KAT2B: variants seen among roughly 807,000 people sequenced by gnomAD.
KAT2B encodes histone acetyltransferase KAT2B.
KAT2B carries 36 observed loss-of-function variants against 105.9 expected under a neutral mutation model. That is an observed-to-expected ratio of 0.34 (90% CI 0.26 to 0.45). The LOEUF (loss-of-function observed/expected upper bound fraction) is 0.45. Among genes scored for constraint, KAT2B ranks in the 20% least tolerant of loss-of-function variants. The pLI, the probability that KAT2B is intolerant of heterozygous loss-of-function variation, is 1.00. For synonymous variants in KAT2B, 397 were observed against 377.9 expected (o/e 1.05, Z -0.59); for missense variants, 820 against 1,021.6 (o/e 0.80, Z 2.69).
At chr3:20,101,173 A>G (rs1698903096) in intron 4 of KAT2B, 114 bp from the exon 5 acceptor site, 1 of 786,296 alleles carries the variant, frequency 1.3e-6, no homozygotes, top group East Asian at 2.7e-5. Context: ...ATTTTTGTGA[A>G]TAGAGAAATG....
rs1699814575 is a variant in KAT2B, at chr3:20,148,413, G to A, written c.2231G>A (p.Ser744Asn). The change falls in exon 17 of 18, where the codon AGC (serine) becomes AAC (asparagine). Residue 744 changes from serine to asparagine, a missense_variant. This residue lies in a region of KAT2B where 227 missense variants were observed against 292.9 expected (regional missense o/e 0.77). Transcript: ENST00000263754. ...SILQQVKSHQ[S>N]AWPFMEPVKR... Reference sequence around the variant, plus strand: ...TTTTCTTTACCCAAGAGCCATCAAAGCGCTTGGCCCTTCATGGAACCTGTG... The same window carrying A: ...TTTTCTTTACCCAAGAGCCATCAAAACGCTTGGCCCTTCATGGAACCTGTG... The A allele has an allele frequency of 6.2e-7, 1 of 1,610,800 alleles. No homozygotes were observed. Among genetic ancestry groups the A allele is most frequent in the African/African-American group, 1.3e-5 (1 of 74,512 alleles).
intron 12 of KAT2B, among the ~76,000 whole-genome samples, chr3:20,138,547 G>A (rs1293760504): frequency 2.0e-5 from 3 of 152,200 alleles, no homozygotes; most frequent in Admixed American, 2.0e-4. Flanking sequence ...TTTGTCAGCA[G>A]TGTATAAGGG....
chr3:20,084,600 CA>C lies in KAT2B; in HGVS notation c.431-10654del, dbSNP rs372719303. 2.6e-3 allele frequency among the ~76,000 whole-genome samples: 394 copies of C among 150,144 alleles called. 3 individuals are homozygous for C. The highest frequency in any genetic ancestry group is 0.013 in the South Asian group (62 of 4,744). ...TAAATAAATAAATAATTAATAAATGCAAAAAAAAATCACAAAACCACAAGCA... is the reference window on the plus strand; with the variant it reads ...TAAATAAATAAATAATTAATAAATGCAAAAAAAATCACAAAACCACAAGCA... On this transcript the variant is annotated intron_variant, in intron 2 of 17. Transcript: ENST00000263754.
chr3:20,090,837 T>A (rs1698704903), intron 2 of KAT2B, among the ~76,000 whole-genome samples: 1 of 152,062 alleles, frequency 6.6e-6, no homozygotes, highest in South Asian at 2.1e-4. Context: ...TGGGGTGGGT[T>A]CAAGCAATCC....
intron 1 of KAT2B, among the ~76,000 whole-genome samples, chr3:20,053,195 C>T (rs1408664659): frequency 6.6e-6 from 1 of 152,166 alleles, no homozygotes; most frequent in Non-Finnish European, 1.5e-5. Context: ...TATTTTAATC[C>T]TCTCCAACCA....
intron 7 of KAT2B, among the ~76,000 whole-genome samples, chr3:20,119,081 A>G (rs2125172093): frequency 6.6e-6 from 1 of 152,106 alleles, no homozygotes; most frequent in East Asian, 1.9e-4. Context: ...GTTTGATCAC[A>G]TGGTTCTGGT....
intron 4 of KAT2B, among the ~76,000 whole-genome samples, chr3:20,100,212 A>G (rs9917785): frequency 0.4 from 61,018 of 152,024 alleles, 12,815 homozygotes; most frequent in East Asian, 0.64. Context: ...TAAGTAGAAC[A>G]TGTAGTTTGT....
chr3:20,146,546 G>T, intron 14 of KAT2B, 116 bp downstream of exon 14: 1 of 628,716 alleles, frequency 1.6e-6, no homozygotes, highest in Non-Finnish European at 2.9e-6. Context: ...CCGTCTCTGT[G>T]TTATCTCTAG....
chr3:20,083,972 G>C (rs1460644874), intron 2 of KAT2B, among the ~76,000 whole-genome samples: 1 of 152,176 alleles, frequency 6.6e-6, no homozygotes, highest in Non-Finnish European at 1.5e-5. Context: ...AGCTGGAGAA[G>C]AGGTTAGCTG....
Position 20,127,455 on chromosome 3 carries a change from G to C in KAT2B, c.1655G>C (p.Gly552Ala). 1 of 1,613,274 alleles carries C rather than the reference G, an allele frequency of 6.2e-7. No individual in the cohort carries two copies. The highest frequency in any genetic ancestry group is 8.5e-7 in the Non-Finnish European group (1 of 1,179,236). Reference protein sequence around the residue: ...KHKTLALIKDGRVIGGICFRM... With the variant: ...KHKTLALIKDARVIGGICFRM... ...AAAACCCTTGCTTTAATTAAAGATG[G>C]CCGTGTTATTGGTGGTATCTGTTTC... is the stretch of plus-strand genomic sequence containing the variant. Residue 552 changes from glycine to alanine, a missense_variant, in exon 11 of 18, where the codon GGC becomes GCC. Coordinates refer to ENST00000263754, the MANE Select transcript of KAT2B (RefSeq NM_003884.5).
chr3:20,121,764 G>A (rs1423687215), intron 8 of KAT2B, among the ~76,000 whole-genome samples: 2 of 150,342 alleles, frequency 1.3e-5, no homozygotes, highest in East Asian at 3.9e-4. Context: ...GTGTGTGTGT[G>A]TGTGTGTGTG....
intron 9 of KAT2B, among the ~76,000 whole-genome samples, chr3:20,124,797 G>A (rs528221682): frequency 7.3e-4 from 111 of 152,278 alleles, no homozygotes; most frequent in African/African-American, 2.5e-3. Flanking sequence ...GACTAGCATG[G>A]CACCTGGTTA....
intron 2 of KAT2B, among the ~76,000 whole-genome samples, chr3:20,083,980 C>T (rs1171054326): frequency 6.6e-6 from 1 of 152,022 alleles, no homozygotes; most frequent in Non-Finnish European, 1.5e-5. Flanking sequence ...AAGAGGTTAG[C>T]TGGTGATGTG....
At chr3:20,121,002 A>G (rs1024931440) in intron 8 of KAT2B, among the ~76,000 whole-genome samples, 2 of 152,052 alleles carry the variant, frequency 1.3e-5, no homozygotes, top group East Asian at 1.9e-4. Flanking sequence ...CATAAACACC[A>G]TTAGCAGTCT....
intron 2 of KAT2B, among the ~76,000 whole-genome samples, chr3:20,092,827 G>T (rs1019989515): frequency 1.3e-5 from 2 of 151,872 alleles, no homozygotes; most frequent in Non-Finnish European, 2.9e-5. Flanking sequence ...TCAGCCTCCT[G>T]AGTAGCTAGA....
At chr3:20,058,849 C>T (rs1698047070) in intron 1 of KAT2B, among the ~76,000 whole-genome samples, 1 of 152,104 alleles carries the variant, frequency 6.6e-6, no homozygotes, top group African/African-American at 2.4e-5. Context: ...TGAAGTCAAA[C>T]CATCTTTATC....
At position 20,148,404 on chromosome 3, in the gene KAT2B, G is replaced by A. The variant is rs1450742475; in HGVS notation, c.2222G>A (p.Ser741Asn). 3 of 1,610,750 alleles carry A rather than the reference G, an allele frequency of 1.9e-6. 1 individual carries two copies. The highest frequency in any genetic ancestry group is 2.2e-5 in the South Asian group (2 of 90,636). Residue 741 changes from serine (S) to asparagine (N), a missense_variant and splice_region_variant, in exon 17 of 18, where the codon AGC becomes AAC. Around this residue, in one of 6 missense-constraint regions of KAT2B, gnomAD observed 227 missense variants for 292.9 expected, o/e 0.77. Transcript: ENST00000263754. ...TLKSILQQVKSHQSAWPFMEP... is the reference protein window; with the variant it reads ...TLKSILQQVKNHQSAWPFMEP... Reference sequence around the variant, plus strand: ...ACCTTACTTTTTTCTTTACCCAAGAGCCATCAAAGCGCTTGGCCCTTCATG... The same window carrying A: ...ACCTTACTTTTTTCTTTACCCAAGAACCATCAAAGCGCTTGGCCCTTCATG...
At chr3:20,117,253 G>C (rs1699222351) in intron 7 of KAT2B, among the ~76,000 whole-genome samples, 1 of 152,278 alleles carries the variant, frequency 6.6e-6, no homozygotes, top group South Asian at 2.1e-4. Context: ...TTGTCACCAA[G>C]TTAAGTTGGC....
intron 2 of KAT2B, among the ~76,000 whole-genome samples, chr3:20,074,609 CT>C (rs1698385786): frequency 6.6e-6 from 1 of 152,196 alleles, no homozygotes; most frequent in Admixed American, 6.5e-5. Context: ...GATATATACT[CT>C]GTCTAGCTTA....
Sources: gnomAD v4.1 joint callset for allele counts (sites outside exome capture counted in the v4.1 genomes callset) on GRCh38, gnomAD v4.1.1 for gene constraint, gnomAD v4.1.1 regional missense constraint, MANE v1.5 for transcripts, NCBI Gene and HGNC (gene_info 2026-07-23, HGNC 2026-07-21) for gene names.